Variants in PUM1 observed in about 807,000 individuals in gnomAD.
PUM1 encodes pumilio homolog 1.
PUM1 carries 13 observed loss-of-function variants against 131.8 expected under a neutral mutation model. The ratio of observed to expected loss-of-function variants is 0.10; its 90% confidence interval spans 0.06 to 0.16. The LOEUF is 0.16. Ranked by LOEUF, PUM1 falls within the 10% of genes least tolerant of loss-of-function variation. PUM1 has a pLI of 1.00. For synonymous variants in PUM1, 509 were observed against 556.5 expected (o/e 0.91, Z 1.20); for missense variants, 961 against 1,512.4 (o/e 0.64, Z 6.05).
chr1:30,935,029 C>T (rs1285529851), intron 21 of PUM1, among the ~76,000 whole-genome samples: 1 of 152,204 alleles, frequency 6.6e-6, no homozygotes, highest in Admixed American at 6.5e-5. Flanking sequence ...CTGCTAAGCC[C>T]TACCAATTCT....
chr1:30,953,986 T>TG lies in PUM1; in HGVS notation c.2324-6dup. The TG allele has an allele frequency of 6.2e-7, 1 of 1,613,328 alleles. No homozygotes were observed. The highest frequency in any genetic ancestry group is 8.5e-7 in the Non-Finnish European group (1 of 1,179,390). ...CACTGCCATTCGTGAGTCCTCCTGT[T>TG]GGTTACAGAACAGGATAACTTAAGA... On this transcript the variant is annotated splice_region_variant and splice_polypyrimidine_tract_variant and intron_variant, in intron 14 of 21. Transcript: ENST00000426105.
chr1:31,029,913 CAAAAAAA>C (rs10592751), intron 2 of PUM1, among the ~76,000 whole-genome samples: 1 of 120,018 alleles, frequency 8.3e-6, no homozygotes. Context: ...GATCCTTTTT[CAAAAAAA>C]AAAAAAAAAA....
chr1:31,046,669 A>G (rs1643975742), intron 2 of PUM1, among the ~76,000 whole-genome samples: 1 of 151,604 alleles, frequency 6.6e-6, no homozygotes, highest in Non-Finnish European at 1.5e-5. Context: ...CACCACACAC[A>G]GCATGTTGGT....
At chr1:31,031,173 T>C (rs12408459) in intron 2 of PUM1, among the ~76,000 whole-genome samples, 47,446 of 152,100 alleles carry the variant, frequency 0.31, 7,985 homozygotes, top group Non-Finnish European at 0.38. Context: ...TATGAAATGA[T>C]AAACCTTTAG....
chr1:30,936,881 T>C (rs1301509857), intron 20 of PUM1, 46 bp from the exon 21 acceptor site: 1 of 713,744 alleles, frequency 1.4e-6, no homozygotes, highest in African/African-American at 1.6e-5. Context: ...GAGAGGCCCC[T>C]GTTAGTGAGG....
chr1:31,015,554 G>A (rs1263442019), intron 3 of PUM1, among the ~76,000 whole-genome samples: 2 of 151,946 alleles, frequency 1.3e-5, no homozygotes, highest in African/African-American at 4.8e-5. Flanking sequence ...TGTTACTCAG[G>A]ATGGTCTTGA....
At chr1:30,944,726 A>G (rs1639598479) in intron 18 of PUM1, among the ~76,000 whole-genome samples, 1 of 152,268 alleles carries the variant, frequency 6.6e-6, no homozygotes, top group South Asian at 2.1e-4. Context: ...AAACGAAAGC[A>G]CTGAAATATC....
At chr1:31,044,867 TG>T (rs1267285073) in intron 2 of PUM1, among the ~76,000 whole-genome samples, 16 of 152,174 alleles carry the variant, frequency 1.1e-4, no homozygotes, top group Non-Finnish European at 2.9e-5. Context: ...TGGAGTGCAA[TG>T]GCACGATCTC....
At chr1:30,965,046 T>A in intron 13 of PUM1, 136 bp from the exon 14 acceptor site, 1 of 672,042 alleles carries the variant, frequency 1.5e-6, no homozygotes, top group South Asian at 1.8e-5. Context: ...TAACTGTTAA[T>A]GTAGCAGTAC....
chr1:30,953,139 T>C (rs1336280604), intron 15 of PUM1, among the ~76,000 whole-genome samples: 3 of 152,294 alleles, frequency 2.0e-5, no homozygotes, highest in South Asian at 2.1e-4. Context: ...ATGAGAAATT[T>C]TGGCCCAGTA....
chr1:31,010,097 T>C (rs1642553561), intron 3 of PUM1, among the ~76,000 whole-genome samples: 1 of 147,666 alleles, frequency 6.8e-6, no homozygotes, highest in Admixed American at 6.6e-5. Context: ...GGTGCAAAAG[T>C]GTGGTTTTTG....
chr1:31,030,540 A>AAAAAAT (rs745983169), intron 2 of PUM1, among the ~76,000 whole-genome samples: 3 of 152,072 alleles, frequency 2.0e-5, no homozygotes, highest in Admixed American at 6.6e-5. Context: ...ACAAAAATTT[A>AAAAAAT]AAAAATAAAA....
At chr1:30,981,277 C>G in intron 8 of PUM1, 35 bp downstream of exon 8, 1 of 1,370,176 alleles carries the variant, frequency 7.3e-7, no homozygotes, top group Non-Finnish European at 1.0e-6. Context: ...GGCGGCCACA[C>G]CTATCATGAA....
chr1:31,060,958 G>C (rs1644354468), intron 1 of PUM1, among the ~76,000 whole-genome samples: 1 of 151,010 alleles, frequency 6.6e-6, no homozygotes, highest in Non-Finnish European at 1.5e-5. Flanking sequence ...ATTTCTTAAA[G>C]AAACAATAAA....
In PUM1 at chr1:30,942,110, G is replaced by C; in HGVS notation, c.3008C>G (p.Ser1003Cys). Reference protein sequence around the residue: ...DAFKGQVFALSTHPYGCRVIQ... With the variant: ...DAFKGQVFALCTHPYGCRVIQ... ...CACTCGGCAGCCATAAGGATGTGTG[G>C]ATAAGGCAAATACCTAAGGGTAGAC... The change falls in exon 19 of 22, where the codon TCC becomes TGC. Residue 1003 changes from serine (S) to cysteine (C), a missense_variant. Physicochemically the swap from Ser to Cys is moderately radical, Grantham distance 112. Around this residue, in one of 4 missense-constraint regions of PUM1, gnomAD observed 178 missense variants for 327.5 expected, o/e 0.54. Coordinates refer to ENST00000426105, the MANE Select transcript of PUM1 (RefSeq NM_001020658.2). 6.4e-7 allele frequency: 1 copy of C among 1,556,836 alleles called. No homozygotes were observed. The highest frequency in any genetic ancestry group is 1.1e-5 in the South Asian group (1 of 90,244).
intron 2 of PUM1, among the ~76,000 whole-genome samples, chr1:31,052,702 T>C (rs1644141409): frequency 1.4e-5 from 2 of 146,236 alleles, no homozygotes; most frequent in East Asian, 2.1e-4. Context: ...TCCATTATCT[T>C]TTTTTTTTTT....
intron 2 of PUM1, among the ~76,000 whole-genome samples, chr1:31,052,654 A>G (rs577405657): frequency 6.6e-6 from 1 of 151,346 alleles, no homozygotes; most frequent in East Asian, 1.9e-4. Context: ...GGCAGGAGCC[A>G]ATGTACCCAG....
intron 7 of PUM1, among the ~76,000 whole-genome samples, chr1:30,991,850 T>C (rs745925022): frequency 6.6e-6 from 1 of 152,216 alleles, no homozygotes. Context: ...AGCAATTTCA[T>C]GGTAGATTTT....
chr1:31,038,277 C>T (rs1308988741), intron 2 of PUM1, among the ~76,000 whole-genome samples: 1 of 151,474 alleles, frequency 6.6e-6, no homozygotes, highest in Non-Finnish European at 1.5e-5. Context: ...CAGTGTTAGT[C>T]TCCATGAACT....
Sources: allele counts gnomAD v4.1 joint callset (sites outside exome capture counted in the v4.1 genomes callset), GRCh38; gene constraint gnomAD v4.1.1; regional missense constraint gnomAD v4.1.1; transcripts MANE v1.5; gene names NCBI Gene and HGNC (gene_info 2026-07-23, HGNC 2026-07-21).